CERS6: variants seen among roughly 807,000 people sequenced by gnomAD.
CERS6 encodes the protein LAG1 homolog, ceramide synthase 6.
In CERS6, 26 loss-of-function variants were observed where a neutral mutation model predicts 56.8. The ratio of observed to expected loss-of-function variants is 0.46; its 90% CI spans 0.34 to 0.63. The LOEUF (loss-of-function observed/expected upper bound fraction) is 0.63, where lower values mean the gene tolerates loss of function less well. Among genes scored for constraint, CERS6 ranks in the 30% least tolerant of loss-of-function variants. The probability of loss-of-function intolerance (pLI) is 0.01; values close to 1 mark genes in which losing one functional copy is unlikely to be tolerated. For missense variants in CERS6, 415 were observed against 467.5 expected (o/e 0.89, Z 1.04); for synonymous variants, 164 against 173.3 (o/e 0.95, Z 0.42).
intron 1 of CERS6, among the ~76,000 whole-genome samples, chr2:168,492,196 C>T (rs1333549237): frequency 6.6e-6 from 1 of 152,196 alleles, no homozygotes; most frequent in African/African-American, 2.4e-5. Context: ...AATTGCCACA[C>T]TGTCTTCCAC....
intron 8 of CERS6, among the ~76,000 whole-genome samples, chr2:168,722,495 T>G (rs1429376941): frequency 6.6e-6 from 1 of 152,240 alleles, no homozygotes; most frequent in Non-Finnish European, 1.5e-5. Flanking sequence ...CATTCTTGTG[T>G]GTGTGGATAT....
intron 3 of CERS6, among the ~76,000 whole-genome samples, chr2:168,578,868 A>AT (rs1193522961): frequency 6.6e-6 from 1 of 152,054 alleles, no homozygotes; most frequent in Admixed American, 6.6e-5. Flanking sequence ...TTATCTCAAC[A>AT]TTTTTTTCCT....
intron 1 of CERS6, among the ~76,000 whole-genome samples, chr2:168,519,144 A>C (rs953937323): frequency 2.8e-4 from 43 of 152,326 alleles, no homozygotes; most frequent in African/African-American, 1.0e-3. Context: ...TTTTATGTAC[A>C]TCATAAATAT....
At chr2:168,663,341 A>G (rs1685680072) in intron 4 of CERS6, among the ~76,000 whole-genome samples, 1 of 152,242 alleles carries the variant, frequency 6.6e-6, no homozygotes, top group African/African-American at 2.4e-5. Context: ...AAAAGGTCAT[A>G]GGAAAATATA....
At chr2:168,732,008 C>G (rs539289145) in intron 8 of CERS6, among the ~76,000 whole-genome samples, 4 of 152,168 alleles carry the variant, frequency 2.6e-5, no homozygotes, top group Admixed American at 6.5e-5. Context: ...AAGTCAGTTG[C>G]TTCACAAAAT....
chr2:168,533,774 G>A (rs1337353499), intron 1 of CERS6, among the ~76,000 whole-genome samples: 2 of 151,998 alleles, frequency 1.3e-5, no homozygotes. Flanking sequence ...TGCTAGGTTG[G>A]GGAAGTTATC....
intron 4 of CERS6, among the ~76,000 whole-genome samples, chr2:168,675,042 C>T (rs960414272): frequency 5.3e-5 from 8 of 151,768 alleles, no homozygotes; most frequent in Non-Finnish European, 1.0e-4. Context: ...GTGGCGTAAT[C>T]GGCTCACTAC....
chr2:168,716,926 T>C (rs1687240924), intron 7 of CERS6, among the ~76,000 whole-genome samples: 1 of 152,006 alleles, frequency 6.6e-6, no homozygotes, highest in Non-Finnish European at 1.5e-5. Flanking sequence ...ACTCAGTTAA[T>C]TTAAGTTTCC....
intron 6 of CERS6, among the ~76,000 whole-genome samples, chr2:168,704,545 C>T (rs1183897036): frequency 6.6e-6 from 1 of 152,154 alleles, no homozygotes; most frequent in African/African-American, 2.4e-5. Context: ...TCTGTCCTTC[C>T]CTTTGGCCTC....
Position 168,603,143 on chromosome 2 carries a change from A to C in CERS6, c.408-27842A>C, listed in dbSNP as rs191802888. Among the ~76,000 whole-genome samples, 208 of 152,184 alleles carry C rather than the reference A, an allele frequency of 1.4e-3. 1 individual carries two copies. The highest frequency in any genetic ancestry group is 4.7e-3 in the African/African-American group (196 of 41,522). ...GGGTTTGCCCTTTAAATGTCAGGTGATGTTTGTAGCACCATGATATTTTTG... is the reference window on the plus strand; with the variant it reads ...GGGTTTGCCCTTTAAATGTCAGGTGCTGTTTGTAGCACCATGATATTTTTG... On this transcript the variant is annotated intron_variant, in intron 3 of 9. Transcript: ENST00000305747.
At chr2:168,505,480 C>T (rs1694661138) in intron 1 of CERS6, among the ~76,000 whole-genome samples, 1 of 151,660 alleles carries the variant, frequency 6.6e-6, no homozygotes, top group East Asian at 1.9e-4. Context: ...AGAGAACAAG[C>T]AAGATACTGT....
chr2:168,714,406 T>A (rs1037234847), intron 6 of CERS6, among the ~76,000 whole-genome samples: 1 of 152,186 alleles, frequency 6.6e-6, no homozygotes, highest in Non-Finnish European at 1.5e-5. Context: ...CTACTGTCCC[T>A]TCATAGATGC....
chr2:168,457,698 C>T (rs1281132691), intron 1 of CERS6, among the ~76,000 whole-genome samples: 1 of 152,204 alleles, frequency 6.6e-6, no homozygotes, highest in Non-Finnish European at 1.5e-5. Flanking sequence ...GCCTTCAACT[C>T]ACCTTGGTTT....
At chr2:168,764,068 T>G (rs1684658445) in intron 8 of CERS6, among the ~76,000 whole-genome samples, 1 of 152,220 alleles carries the variant, frequency 6.6e-6, no homozygotes. Context: ...ACCAGTTACC[T>G]CAAATAATTT....
chr2:168,511,336 C>T (rs1694784000), intron 1 of CERS6, among the ~76,000 whole-genome samples: 1 of 152,200 alleles, frequency 6.6e-6, no homozygotes, highest in Non-Finnish European at 1.5e-5. Flanking sequence ...TCTTATCCAT[C>T]ATCTCCCATT....
At chr2:168,634,758 T>G (rs1559029702) in intron 4 of CERS6, among the ~76,000 whole-genome samples, 1 of 152,146 alleles carries the variant, frequency 6.6e-6, no homozygotes, top group African/African-American at 2.4e-5. Flanking sequence ...CACACGCATG[T>G]ATGTAAAAGA....
chr2:168,670,978 C>CCA (rs971121013), intron 4 of CERS6, among the ~76,000 whole-genome samples: 1 of 84,298 alleles, frequency 1.2e-5, no homozygotes, highest in Non-Finnish European at 3.7e-5. Flanking sequence ...CCCCCCCCCC[C>CCA]CCAGACGGAA....
chr2:168,525,255 C>T (rs1695050756), intron 1 of CERS6, among the ~76,000 whole-genome samples: 1 of 152,226 alleles, frequency 6.6e-6, no homozygotes, highest in African/African-American at 2.4e-5. Flanking sequence ...TTGCTAGGCC[C>T]CACGCCCAGA....
At chr2:168,730,178 C>G (rs1281507262) in intron 8 of CERS6, among the ~76,000 whole-genome samples, 1 of 152,120 alleles carries the variant, frequency 6.6e-6, no homozygotes, top group African/African-American at 2.4e-5. Context: ...TTGTTTTGAT[C>G]AGATAGAAAC....
Sources: allele counts gnomAD v4.1 joint callset (sites outside exome capture counted in the v4.1 genomes callset), GRCh38; gene constraint gnomAD v4.1.1; transcripts MANE v1.5; gene names NCBI Gene and HGNC (gene_info 2026-07-23, HGNC 2026-07-21).